GULP1: variants seen among roughly 807,000 people sequenced by gnomAD.
GULP1 encodes GULP PTB domain containing engulfment adaptor 1, also known as PTB domain-containing engulfment adapter protein 1.
Under a neutral mutation model 40.9 loss-of-function variants are expected in GULP1, and 19 were observed. The ratio of observed to expected loss-of-function variants is 0.46; its 90% CI spans 0.32 to 0.68. The LOEUF (loss-of-function observed/expected upper bound fraction) is 0.68. GULP1 is among the 30% of genes least tolerant of loss of function. The probability of loss-of-function intolerance (pLI) is 0.03; values close to 1 mark genes in which losing one functional copy is unlikely to be tolerated. For missense variants in GULP1, 312 were observed against 362.2 expected, an observed-to-expected ratio of 0.86 and a Z score of 1.12; for synonymous variants, 119 against 117.6, an observed-to-expected ratio of 1.01 and a Z score of -0.08.
chr2:188,302,527 T>C (rs1384816335), intron 1 of GULP1, among the ~76,000 whole-genome samples: 1 of 152,156 alleles, frequency 6.6e-6, no homozygotes, highest in Non-Finnish European at 1.5e-5. Context: ...TATTTAAATA[T>C]AGAAGATAAA....
intron 2 of GULP1, among the ~76,000 whole-genome samples, chr2:188,469,213 G>A (rs1303477680): frequency 6.6e-6 from 1 of 152,152 alleles, no homozygotes; most frequent in East Asian, 1.9e-4. Flanking sequence ...ATTTATGAAG[G>A]AAATAATGGC....
At chr2:188,560,128 C>T (rs1695867742) in intron 7 of GULP1, among the ~76,000 whole-genome samples, 1 of 152,166 alleles carries the variant, frequency 6.6e-6, no homozygotes, top group Non-Finnish European at 1.5e-5. Context: ...CTGTACTTTC[C>T]CTTTAAATGT....
chr2:188,343,495 T>C (rs2043228278), intron 1 of GULP1, among the ~76,000 whole-genome samples: 2 of 152,230 alleles, frequency 1.3e-5, no homozygotes, highest in African/African-American at 2.4e-5. Flanking sequence ...CTATATAGTT[T>C]ATAAGGTAAT....
chr2:188,408,524 A>C (rs1200685308), intron 2 of GULP1, among the ~76,000 whole-genome samples: 1 of 152,174 alleles, frequency 6.6e-6, no homozygotes, highest in African/African-American at 2.4e-5. Flanking sequence ...TATGAAGCAA[A>C]TATTAATAGA....
At chr2:188,316,917 A>G (rs937777831) in intron 1 of GULP1, among the ~76,000 whole-genome samples, 2 of 152,134 alleles carry the variant, frequency 1.3e-5, no homozygotes, top group Admixed American at 1.3e-4. Flanking sequence ...TAAATTCAAG[A>G]TCTCATTTCC....
chr2:188,437,097 A>G (rs2057477885), intron 2 of GULP1, among the ~76,000 whole-genome samples: 2 of 152,082 alleles, frequency 1.3e-5, no homozygotes, highest in African/African-American at 4.8e-5. Flanking sequence ...AAACTATCAA[A>G]TTATGTTTTT....
intron 7 of GULP1, among the ~76,000 whole-genome samples, chr2:188,559,491 G>A (rs1343826616): frequency 6.6e-6 from 1 of 152,190 alleles, no homozygotes; most frequent in African/African-American, 2.4e-5. Flanking sequence ...GAAATGTGGG[G>A]TCAGAGCCCC....
At chr2:188,392,754 G>C (rs932170653) in intron 2 of GULP1, among the ~76,000 whole-genome samples, 1 of 151,892 alleles carries the variant, frequency 6.6e-6, no homozygotes, top group African/African-American at 2.4e-5. Flanking sequence ...TTTTAGCATT[G>C]CTTTTGCTTC....
chr2:188,581,249 C>G (rs114275577), intron 9 of GULP1, among the ~76,000 whole-genome samples: 1,685 of 152,178 alleles, frequency 0.011, 12 homozygotes, highest in Non-Finnish European at 0.019. Flanking sequence ...TACTGCTAGC[C>G]CTTCCCTTCT....
intron 7 of GULP1, among the ~76,000 whole-genome samples, chr2:188,546,481 C>T (rs80183035): frequency 1.6e-4 from 24 of 151,972 alleles, no homozygotes; most frequent in African/African-American, 5.8e-4. Context: ...CATTAAATAG[C>T]GATTCACAAA....
At chr2:188,432,940 A>AT (rs2057034033) in intron 2 of GULP1, among the ~76,000 whole-genome samples, 1 of 152,144 alleles carries the variant, frequency 6.6e-6, no homozygotes, top group Admixed American at 6.6e-5. Context: ...AACTCTGGCT[A>AT]TGAGATAGTA....
At chr2:188,463,980 G>A (rs2059919284) in intron 2 of GULP1, among the ~76,000 whole-genome samples, 2 of 151,900 alleles carry the variant, frequency 1.3e-5, no homozygotes, top group Admixed American at 1.3e-4. Flanking sequence ...GAATTCAAAG[G>A]TCACATATCT....
intron 1 of GULP1, among the ~76,000 whole-genome samples, chr2:188,309,527 A>G (rs2037714114): frequency 6.6e-6 from 1 of 152,198 alleles, no homozygotes; most frequent in Admixed American, 6.5e-5. Context: ...AACTCAATAT[A>G]AGAAAGAAGC....
At chr2:188,296,353 TACTG>T (rs564958639) in intron 1 of GULP1, among the ~76,000 whole-genome samples, 97 of 152,252 alleles carry the variant, frequency 6.4e-4, no homozygotes, top group African/African-American at 2.1e-3. Flanking sequence ...ACAATGCTTA[TACTG>T]TTTTCAGGCC....
chr2:188,317,627 G>C (rs1260652778), intron 1 of GULP1, among the ~76,000 whole-genome samples: 1 of 151,944 alleles, frequency 6.6e-6, no homozygotes, highest in East Asian at 1.9e-4. Context: ...CAGAGTATAC[G>C]TGTTTTTGTT....
chr2:188,437,001 C>T (rs1307026739), intron 2 of GULP1, among the ~76,000 whole-genome samples: 1 of 152,144 alleles, frequency 6.6e-6, no homozygotes, highest in Non-Finnish European at 1.5e-5. Context: ...GCATTATCCA[C>T]TATAGTTCTA....
At chr2:188,409,839 A>G (rs2053633483) in intron 2 of GULP1, among the ~76,000 whole-genome samples, 1 of 152,210 alleles carries the variant, frequency 6.6e-6, no homozygotes. Context: ...ATAATACAAC[A>G]TAGTAACAGA....
At chr2:188,425,021 A>G (rs895183766) in intron 2 of GULP1, among the ~76,000 whole-genome samples, 1 of 151,978 alleles carries the variant, frequency 6.6e-6, no homozygotes, top group African/African-American at 2.4e-5. Context: ...TTTTTTCGAT[A>G]TTAGTACCAA....
intron 2 of GULP1, among the ~76,000 whole-genome samples, chr2:188,392,938 G>A (rs2050722192): frequency 6.6e-6 from 1 of 151,974 alleles, no homozygotes; most frequent in African/African-American, 2.4e-5. Flanking sequence ...ATTCTCCTGT[G>A]ATCTGAGAAG....
Sources: allele counts gnomAD v4.1 joint callset (sites outside exome capture counted in the v4.1 genomes callset), GRCh38; gene constraint gnomAD v4.1.1; transcripts MANE v1.5; gene names NCBI Gene and HGNC (gene_info 2026-07-23, HGNC 2026-07-21).